PISD: variants seen among roughly 807,000 people sequenced by gnomAD.
The protein encoded by PISD is phosphatidylserine decarboxylase proenzyme, mitochondrial.
In PISD, 31 loss-of-function variants were observed where a neutral mutation model predicts 43.5. The observed-to-expected ratio is 0.71, with a 90% CI of 0.54 to 0.96. The LOEUF is 0.96. PISD is among the 40% of genes least tolerant of loss of function. PISD has a pLI of 0.00. For missense variants in PISD, 523 were observed against 548.4 expected (o/e 0.95, Z 0.46); for synonymous variants, 259 against 228.7 (o/e 1.13, Z -1.20).
rs75712797 is a variant in PISD, at chr22:31,661,587, T to C, written c.65+557A>G. Among the ~76,000 whole-genome samples, 929 of 152,110 alleles carry C rather than the reference T, an allele frequency of 6.1e-3. 14 individuals carry two copies. The highest frequency in any genetic ancestry group is 0.021 in the African/African-American group (872 of 41,478). On this transcript the variant is annotated intron_variant, in intron 1 of 7. Coordinates refer to ENST00000439502, the MANE Select transcript of PISD (RefSeq NM_001326411.2). ...CTCTCGGAGCCTCAATCTCATTAAC[T>C]CCAAAGAGAGACAGCTGGACTCAGA...
chr22:31,620,667 C>T lies in PISD; in HGVS notation c.891G>A (p.Glu297=). The change falls in exon 7 of 8, where the codon GAG becomes GAA. Residue 297 remains glutamate, a synonymous_variant. Transcript: ENST00000439502. ...VNPGMARWIK[E]LFCHNERVVL... ...CCACCCGCTCGTTATGGCAGAAGAG[C>T]TCTTTGATCCAGCGAGCCATGCCAG... 1.2e-6 allele frequency: 2 copies of T among 1,614,224 alleles called. No homozygotes were observed. Among genetic ancestry groups the T allele is most frequent in the Non-Finnish European group, 1.7e-6 (2 of 1,180,040 alleles).
intron 1 of PISD, among the ~76,000 whole-genome samples, chr22:31,656,643 G>A (rs925787413): frequency 3.1e-5 from 4 of 130,188 alleles, no homozygotes; most frequent in East Asian, 2.2e-4. Flanking sequence ...GCAAGACTGC[G>A]TCTCAAAAAT....
chr22:31,645,185 C>T (rs954875707), intron 3 of PISD, among the ~76,000 whole-genome samples: 3 of 152,034 alleles, frequency 2.0e-5, no homozygotes, highest in Admixed American at 6.6e-5. Context: ...TAAAGTTACC[C>T]GCAGGCTATG....
chr22:31,652,763 G>C lies in PISD; in HGVS notation c.66-1985C>G, dbSNP rs531503711. On this transcript the variant is annotated intron_variant, in intron 1 of 7. Coordinates refer to ENST00000439502, the MANE Select transcript of PISD (RefSeq NM_001326411.2). ...ACAAACACCCCCCTTGCCAGGCTGG[G>C]CATTGTGGTTCACAACTATAATCCT... Among the ~76,000 whole-genome samples the C allele has an allele frequency of 1.6e-4, 24 of 151,316 alleles. No homozygotes were observed. The South Asian group carries it at 5.0e-3, about 32-fold the overall frequency.
At chr22:31,657,969 G>A (rs1244708923) in intron 1 of PISD, among the ~76,000 whole-genome samples, 1 of 152,120 alleles carries the variant, frequency 6.6e-6, no homozygotes, top group Non-Finnish European at 1.5e-5. Context: ...AACATGCAAA[G>A]TTTGTCTTTC....
chr22:31,662,296 A>G (rs2074345545), upstream of PISD: 11 of 1,352,112 alleles, frequency 8.1e-6, no homozygotes, highest in Non-Finnish European at 1.2e-5. Context: ...CAGTGGGCCA[A>G]TGAGAAAAGC....
intron 3 of PISD, among the ~76,000 whole-genome samples, chr22:31,623,344 CTT>C (rs2072687444): frequency 1.3e-5 from 2 of 152,222 alleles, no homozygotes; most frequent in South Asian, 4.1e-4. Context: ...CCTATAAGCT[CTT>C]TTTTGCTTGA....
chr22:31,654,553 T>G (rs1601448975), intron 1 of PISD, among the ~76,000 whole-genome samples: 1 of 152,130 alleles, frequency 6.6e-6, no homozygotes, highest in Non-Finnish European at 1.5e-5. Context: ...CCTGCCCGAG[T>G]TCTCTATCCA....
chr22:31,648,090 C>T lies in PISD; in HGVS notation c.321+11G>A, dbSNP rs911852084. Reference sequence around the variant, plus strand: ...GGACGAGAACCCAAGGCAGTTCCACCTCATTCCTACCTCCCAGTGACCAGC... The same window carrying T: ...GGACGAGAACCCAAGGCAGTTCCACTTCATTCCTACCTCCCAGTGACCAGC... On this transcript the variant is annotated intron_variant, in intron 3 of 7. Coordinates refer to ENST00000439502, the MANE Select transcript of PISD (RefSeq NM_001326411.2). 2.5e-6 allele frequency: 4 copies of T among 1,607,524 alleles called. No individual in the cohort carries two copies. The highest frequency in any genetic ancestry group is 3.4e-6 in the Non-Finnish European group (4 of 1,177,892).
chr22:31,628,370 C>A, intron 3 of PISD: 1 of 187,156 alleles, frequency 5.3e-6, no homozygotes, highest in Non-Finnish European at 1.0e-5. Context: ...AGATTTCATC[C>A]TCTCTGGCTG....
At chr22:31,643,163 C>T (rs1023237935) in intron 3 of PISD, among the ~76,000 whole-genome samples, 6 of 151,192 alleles carry the variant, frequency 4.0e-5, no homozygotes, top group South Asian at 2.1e-4. Flanking sequence ...AAAAACAAAG[C>T]GCATGATTAA....
chr22:31,651,158 T>C (rs1212315344), intron 1 of PISD, among the ~76,000 whole-genome samples: 1 of 152,022 alleles, frequency 6.6e-6, no homozygotes, highest in African/African-American at 2.4e-5. Context: ...GAGATGAGTT[T>C]TCACCATGTT....
upstream of PISD, chr22:31,662,270 T>A: frequency 2.0e-6 from 3 of 1,526,848 alleles, no homozygotes; most frequent in East Asian, 2.2e-5. Context: ...GCTTAAGGCG[T>A]CACGAGTCTC....
intron 1 of PISD, among the ~76,000 whole-genome samples, chr22:31,652,428 GC>G (rs1398349528): frequency 2.6e-5 from 4 of 152,026 alleles, no homozygotes; most frequent in Non-Finnish European, 4.4e-5. Flanking sequence ...ACAGCACTTG[GC>G]CCAAGTTATG....
chr22:31,654,815 C>T (rs2074121933), intron 1 of PISD, among the ~76,000 whole-genome samples: 1 of 152,116 alleles, frequency 6.6e-6, no homozygotes, highest in South Asian at 2.1e-4. Flanking sequence ...GTGGCTCACA[C>T]CTGTAATCCT....
intron 3 of PISD, chr22:31,626,353 C>G (rs923171237): frequency 6.5e-6 from 1 of 154,292 alleles, no homozygotes; most frequent in Non-Finnish European, 1.4e-5. Context: ...GGCCCAGCAC[C>G]GCGTCAGCCG....
intron 3 of PISD, among the ~76,000 whole-genome samples, chr22:31,636,833 C>G (rs569267224): frequency 1.3e-5 from 2 of 152,022 alleles, no homozygotes; most frequent in South Asian, 2.1e-4. Context: ...TGAGCCACCA[C>G]GCCCAGCCTA....
At chr22:31,633,454 G>A (rs1238572874) in intron 3 of PISD, among the ~76,000 whole-genome samples, 3 of 152,236 alleles carry the variant, frequency 2.0e-5, no homozygotes, top group Non-Finnish European at 2.9e-5. Context: ...GGTGGCTCAT[G>A]CCTGTAATCC....
At chr22:31,647,150 G>A (rs368674561) in intron 3 of PISD, among the ~76,000 whole-genome samples, 1 of 152,302 alleles carries the variant, frequency 6.6e-6, no homozygotes, top group South Asian at 2.1e-4. Flanking sequence ...TAATGCCAAT[G>A]GCAGCAAATA....
Sources: gnomAD v4.1 joint callset for allele counts (sites outside exome capture counted in the v4.1 genomes callset) on GRCh38, gnomAD v4.1.1 for gene constraint, MANE v1.5 for transcripts, NCBI Gene and HGNC (gene_info 2026-07-23, HGNC 2026-07-21) for gene names.